Variants in SLCO1A2 observed in about 807,000 individuals in gnomAD.
SLCO1A2 encodes the protein solute carrier organic anion transporter family member 1A2, also known as OATP-1.
Under a neutral mutation model 69.0 loss-of-function variants are expected in SLCO1A2, and 67 were observed. The observed-to-expected ratio is 0.97, with a 90% CI of 0.80 to 1.19. The LOEUF (loss-of-function observed/expected upper bound fraction) is 1.19, where lower values mean the gene tolerates loss of function less well. Ranked by LOEUF, SLCO1A2 falls within the 50% of genes most tolerant of loss-of-function variation. The probability of loss-of-function intolerance (pLI) is 0.00; values close to 1 mark genes in which losing one functional copy is unlikely to be tolerated. For synonymous variants in SLCO1A2, 260 were observed against 265.9 expected, an observed-to-expected ratio of 0.98 and a Z score of 0.22; for missense variants, 787 against 793.7, an observed-to-expected ratio of 0.99 and a Z score of 0.10.
intron 7 of SLCO1A2, 26 bp from the exon 8 acceptor site, chr12:21,300,595 T>C: frequency 2.6e-6 from 4 of 1,525,602 alleles, no homozygotes; most frequent in Non-Finnish European, 3.6e-6. Context: ...CACACTGTTA[T>C]TAGCTTAAGT....
At chr12:21,319,117 G>A (rs1245557194) in intron 2 of SLCO1A2, among the ~76,000 whole-genome samples, 194 bp from the exon 3 acceptor site, 1 of 152,058 alleles carries the variant, frequency 6.6e-6, no homozygotes, top group Admixed American at 6.5e-5. Flanking sequence ...AACTCAAAGT[G>A]AGACTAATTT....
intron 1 of SLCO1A2, among the ~76,000 whole-genome samples, chr12:21,385,553 T>C (rs980551760): frequency 6.6e-6 from 1 of 152,134 alleles, no homozygotes; most frequent in Non-Finnish European, 1.5e-5. Context: ...AGAGGACTGG[T>C]AGGGGTAAAC....
chr12:21,274,593 T>A lies in SLCO1A2; in HGVS notation c.1676-7A>T. On this transcript the variant is annotated splice_polypyrimidine_tract_variant and splice_region_variant and intron_variant, in intron 13 of 14. Transcript: ENST00000683939. ...ATAGGTGCAGGAATGCCAGCTACAA[T>A]TGACAGGGAAAGAAAAATCTATCAA... The A allele has an allele frequency of 6.5e-7, 1 of 1,536,666 alleles. No individual in the cohort carries two copies. Among genetic ancestry groups the A allele is most frequent in the East Asian group, 2.2e-5 (1 of 44,486 alleles).
At chr12:21,325,719 A>G (rs1044765299) in intron 2 of SLCO1A2, among the ~76,000 whole-genome samples, 1 of 152,126 alleles carries the variant, frequency 6.6e-6, no homozygotes, top group Non-Finnish European at 1.5e-5. Flanking sequence ...AACCCCATCA[A>G]TTTTCATTTT....
In SLCO1A2 at chr12:21,334,687, T is replaced by C; in HGVS notation, c.-40A>G. On this transcript the variant is annotated 5_prime_UTR_variant, in exon 2 of 15. Transcript: ENST00000683939. ...TGTTCCAAGCTATTTATGTTTTAAA[T>C]CTTGATATGTCTTACTTCTACCCTT... 6.6e-7 allele frequency: 1 copy of C among 1,523,298 alleles called. No homozygotes were observed. The highest frequency in any genetic ancestry group is 1.2e-5 in the South Asian group (1 of 85,790). 94.4% of individuals were successfully genotyped at this position (1,523,298 alleles called of 1,614,324 possible). A position where few individuals can be genotyped will look rare whatever the true frequency, so the allele number is the denominator to read the frequency against.
At chr12:21,274,256 T>G in intron 14 of SLCO1A2, 1 of 459,416 alleles carries the variant, frequency 2.2e-6, no homozygotes, top group Non-Finnish European at 3.9e-6. Context: ...AGGGAAGCCA[T>G]GTATGCTTAT....
At chr12:21,397,484 G>A (rs1486245626), upstream of SLCO1A2, among the ~76,000 whole-genome samples, 1 of 151,708 alleles carries the variant, frequency 6.6e-6, no homozygotes, top group Non-Finnish European at 1.5e-5. Context: ...AGTCAACAAG[G>A]ATACCCAGGA....
At position 21,301,196 on chromosome 12, in the gene SLCO1A2, A is replaced by T. The variant is rs746070880; in HGVS notation, c.663T>A (p.Tyr221Ter). The change falls in exon 7 of 15, where the codon TAT (tyrosine) becomes TAA (stop). Residue 221 changes from tyrosine (Y) to a stop codon, truncating the protein, a stop_gained. Transcript: ENST00000683939. LOFTEE classifies it high-confidence loss of function. ...CTGTGTTCACAAATCCAGTGTCAAC[A>T]TAAACATTTGCACAGAATGATGCCA... ...LLLASFCANV[Y>*]VDTGFVNTDD... 1 of 1,612,576 alleles carries T rather than the reference A, an allele frequency of 6.2e-7. No individual in the cohort carries two copies. Among genetic ancestry groups the T allele is most frequent in the Admixed American group, 1.7e-5 (1 of 59,928 alleles).
intron 12 of SLCO1A2, among the ~76,000 whole-genome samples, chr12:21,284,762 T>TAC (rs1299024392): frequency 9.8e-5 from 11 of 112,108 alleles, no homozygotes; most frequent in African/African-American, 4.2e-4. Flanking sequence ...GACTACTGGG[T>TAC]ACATAACGAA....
chr12:21,404,989 G>A (rs536291241), intron 1 of SLCO1A2, among the ~76,000 whole-genome samples: 37 of 151,908 alleles, frequency 2.4e-4, no homozygotes, highest in African/African-American at 8.9e-4. Flanking sequence ...AATGATCAGC[G>A]ATGTTGAACT....
At chr12:21,290,795 G>A (rs1039919242) in intron 12 of SLCO1A2, among the ~76,000 whole-genome samples, 3 of 151,932 alleles carry the variant, frequency 2.0e-5, no homozygotes, top group African/African-American at 7.3e-5. Context: ...CAAACACTAA[G>A]GTAAGAAACT....
At chr12:21,391,726 G>A (rs1941163839) in intron 1 of SLCO1A2, among the ~76,000 whole-genome samples, 2 of 149,686 alleles carry the variant, frequency 1.3e-5, no homozygotes, top group East Asian at 2.0e-4. Flanking sequence ...ACTACTTTCC[G>A]TTGACATTCA....
At chr12:21,337,498 T>C (rs984919003), upstream of SLCO1A2, among the ~76,000 whole-genome samples, 1 of 151,684 alleles carries the variant, frequency 6.6e-6, no homozygotes, top group East Asian at 1.9e-4. Context: ...AGTACATACA[T>C]GAAGAAGACT....
intron 1 of SLCO1A2, among the ~76,000 whole-genome samples, chr12:21,413,849 A>C (rs1001728000): frequency 5.3e-5 from 8 of 152,096 alleles, no homozygotes; most frequent in African/African-American, 1.9e-4. Flanking sequence ...AGAGTCTAAG[A>C]CAGCTCTCCA....
intron 2 of SLCO1A2, among the ~76,000 whole-genome samples, chr12:21,372,106 A>T (rs375541064): frequency 6.6e-5 from 10 of 152,352 alleles, no homozygotes; most frequent in African/African-American, 2.2e-4. Flanking sequence ...GACAAACTAC[A>T]AAGTACTGTG....
At chr12:21,393,636 T>A (rs964850409) in intron 1 of SLCO1A2, among the ~76,000 whole-genome samples, 2 of 152,198 alleles carry the variant, frequency 1.3e-5, no homozygotes, top group African/African-American at 4.8e-5. Flanking sequence ...TAGGCTGATA[T>A]AATCTACTTG....
chr12:21,319,139 G>T (rs1001271413), intron 2 of SLCO1A2, among the ~76,000 whole-genome samples: 1 of 152,170 alleles, frequency 6.6e-6, no homozygotes, highest in African/African-American at 2.4e-5. Context: ...GTAGGCAGTT[G>T]CAGCCTCAAT....
intron 14 of SLCO1A2, 39 bp downstream of exon 14, chr12:21,274,430 A>G (rs976901542): frequency 1.5e-6 from 2 of 1,344,366 alleles, no homozygotes; most frequent in Non-Finnish European, 2.1e-6. Flanking sequence ...TGCACAGTCT[A>G]TGCTTATAAA....
upstream of SLCO1A2, among the ~76,000 whole-genome samples, chr12:21,336,557 C>A (rs755683365): frequency 1.3e-5 from 2 of 152,020 alleles, no homozygotes; most frequent in African/African-American, 4.8e-5. Flanking sequence ...TAACCCTAAA[C>A]TTTCCCTAGT....
Sources: gnomAD v4.1 joint callset for allele counts (sites outside exome capture counted in the v4.1 genomes callset) on GRCh38, gnomAD v4.1.1 for gene constraint, MANE v1.5 for transcripts, NCBI Gene and HGNC (gene_info 2026-07-23, HGNC 2026-07-21) for gene names.